Variants in VPS53 observed in about 807,000 individuals in gnomAD.
VPS53 encodes the protein vacuolar protein sorting-associated protein 53 homolog.
Under a neutral mutation model 107.0 loss-of-function variants are expected in VPS53, and 70 were observed. That is an observed-to-expected ratio of 0.65 (90% CI 0.54 to 0.80). VPS53 has a LOEUF of 0.80. Ranked by LOEUF, VPS53 falls within the 30% of genes least tolerant of loss-of-function variation. VPS53 has a pLI of 0.00. For missense variants in VPS53, 917 were observed against 1,049.4 expected (o/e 0.87, Z 1.74); for synonymous variants, 409 against 393.3 (o/e 1.04, Z -0.47).
intron 15 of VPS53, among the ~76,000 whole-genome samples, chr17:555,619 G>A (rs1912273937): frequency 6.6e-6 from 1 of 152,216 alleles, no homozygotes; most frequent in African/African-American, 2.4e-5. Flanking sequence ...ACAGGCGTGA[G>A]CCCCTGCACT....
intron 13 of VPS53, among the ~76,000 whole-genome samples, chr17:583,303 A>T (rs1967144609): frequency 1.4e-5 from 2 of 147,472 alleles, no homozygotes; most frequent in Non-Finnish European, 3.0e-5. Flanking sequence ...TTCCCAGAGA[A>T]CCTCCCTGAG....
intron 11 of VPS53, among the ~76,000 whole-genome samples, 195 bp from the exon 12 acceptor site, chr17:602,091 C>G (rs574498202): frequency 1.1e-4 from 17 of 152,300 alleles, no homozygotes; most frequent in African/African-American, 3.8e-4. Flanking sequence ...ACCTCCCCGA[C>G]CACCCCGCCC....
intron 5 of VPS53, among the ~76,000 whole-genome samples, chr17:659,846 A>C (rs1349835736): frequency 6.6e-6 from 1 of 152,082 alleles, no homozygotes; most frequent in Middle Eastern, 3.4e-3. Flanking sequence ...ACTGGAGCTG[A>C]CTGGTCTCTT....
At chr17:591,543 G>C (rs1967649891) in intron 12 of VPS53, among the ~76,000 whole-genome samples, 1 of 152,080 alleles carries the variant, frequency 6.6e-6, no homozygotes, top group Non-Finnish European at 1.5e-5. Flanking sequence ...TCTACACACT[G>C]CTTTGAATGT....
intron 4 of VPS53, among the ~76,000 whole-genome samples, chr17:662,861 G>C (rs868119422): frequency 4.4e-5 from 5 of 114,418 alleles, no homozygotes; most frequent in East Asian, 2.2e-4. Flanking sequence ...AAGGAAGGAA[G>C]GAAGGAAGGA....
chr17:599,620 GC>G, intron 12 of VPS53, among the ~76,000 whole-genome samples: 1 of 149,562 alleles, frequency 6.7e-6, no homozygotes, highest in Non-Finnish European at 1.5e-5. Context: ...ACTGCGGAAG[GC>G]CTCAGGGTCC....
chr17:564,571 G>A (rs973892142), intron 13 of VPS53, among the ~76,000 whole-genome samples: 3 of 151,314 alleles, frequency 2.0e-5, no homozygotes, highest in Non-Finnish European at 4.4e-5. Flanking sequence ...ATTAGCTGGG[G>A]GTGGTGGCGC....
intron 19 of VPS53, among the ~76,000 whole-genome samples, chr17:528,595 C>CTTTTTT (rs138081726): frequency 2.0e-5 from 2 of 101,266 alleles, no homozygotes; most frequent in Non-Finnish European, 3.7e-5. Flanking sequence ...TTTTTCAATT[C>CTTTTTT]TTTTTTTTTT....
intron 5 of VPS53, chr17:656,706 GT>G: frequency 6.8e-6 from 1 of 147,370 alleles, no homozygotes; most frequent in South Asian, 9.9e-5. Context: ...AGAAATGTGT[GT>G]GTGTGTGTGT....
At chr17:678,929 G>A (rs1020033284) in intron 4 of VPS53, among the ~76,000 whole-genome samples, 4 of 108 alleles carry the variant, frequency 0.037, no homozygotes, top group South Asian at 0.25. Context: ...GTGAGCCACC[G>A]CGCCCCCGCC....
At chr17:582,514 G>GTGTT (rs1046734754) in intron 13 of VPS53, among the ~76,000 whole-genome samples, 1 of 147,232 alleles carries the variant, frequency 6.8e-6, no homozygotes, top group African/African-American at 2.5e-5. Flanking sequence ...AGGACCCAAT[G>GTGTT]TGTTCCCAGA....
intron 11 of VPS53, among the ~76,000 whole-genome samples, chr17:619,919 C>T (rs868627257): frequency 7.1e-5 from 10 of 140,516 alleles, no homozygotes; most frequent in African/African-American, 2.4e-4. Flanking sequence ...TACAGGCGTG[C>T]GCCACCACGC....
chr17:708,536 C>A (rs951732705), intron 2 of VPS53, among the ~76,000 whole-genome samples: 4 of 152,208 alleles, frequency 2.6e-5, no homozygotes, highest in Non-Finnish European at 5.9e-5. Flanking sequence ...CAGGGAGATG[C>A]TGAAGCCTCC....
intron 4 of VPS53, among the ~76,000 whole-genome samples, chr17:677,326 G>C (rs1972208408): frequency 6.6e-6 from 1 of 152,204 alleles, no homozygotes. Context: ...GAAGACCACA[G>C]AAGTGAAATA....
chr17:548,990 T>G (rs542028017), intron 17 of VPS53, among the ~76,000 whole-genome samples: 4 of 152,212 alleles, frequency 2.6e-5, no homozygotes, highest in African/African-American at 9.7e-5. Flanking sequence ...ACTTTTCTTA[T>G]GGCACTGATT....
At chr17:673,291 GAA>G (rs1436221925) in intron 4 of VPS53, among the ~76,000 whole-genome samples, 1 of 152,158 alleles carries the variant, frequency 6.6e-6, no homozygotes, top group Non-Finnish European at 1.5e-5. Flanking sequence ...TCTCTTTAGA[GAA>G]AGTCTCTTCT....
At chr17:540,657 CTTG>C (rs1910562488) in intron 17 of VPS53, 1 of 152,206 alleles carries the variant, frequency 6.6e-6, no homozygotes, top group South Asian at 2.1e-4. Flanking sequence ...AAAATTGTTT[CTTG>C]TTGTGCTTTT....
chr17:594,929 A>G (rs1967879951), intron 12 of VPS53, among the ~76,000 whole-genome samples: 1 of 51,048 alleles, frequency 2.0e-5, no homozygotes, highest in Non-Finnish European at 4.5e-5. Flanking sequence ...AGGGGTCTGG[A>G]TCAATTTCCT....
chr17:580,477 C>A (rs529531287), intron 13 of VPS53, among the ~76,000 whole-genome samples: 1 of 147,992 alleles, frequency 6.8e-6, no homozygotes, highest in African/African-American at 2.5e-5. Flanking sequence ...CCCAGAGAAC[C>A]TCCCTCAGAA....
Sources: gnomAD v4.1 joint callset for allele counts (sites outside exome capture counted in the v4.1 genomes callset) on GRCh38, gnomAD v4.1.1 for gene constraint, MANE v1.5 for transcripts, NCBI Gene and HGNC (gene_info 2026-07-23, HGNC 2026-07-21) for gene names.